The following DEFB119 variants were observed in gnomAD, a reference collection of about 807,000 sequenced individuals.
The protein encoded by DEFB119 is defensin beta 119, also known as beta-defensin 119.
Under a neutral mutation model 2.5 loss-of-function variants are expected in DEFB119, and 3 were observed. The ratio of observed to expected loss-of-function variants is 1.19; its 90% confidence interval spans 0.54 to 3.07. DEFB119 has a LOEUF of 3.07. Among genes scored for constraint, DEFB119 ranks in the 30% most tolerant of loss-of-function variants. The pLI is 0.03. For synonymous variants in DEFB119, 29 were observed against 33.7 expected (o/e 0.86, Z 0.48); for missense variants, 113 against 101.1 (o/e 1.12, Z -0.50).
intron 1 of DEFB119, among the ~76,000 whole-genome samples, chr20:31,381,414 T>C (rs983270188): frequency 1.3e-5 from 2 of 152,256 alleles, no homozygotes; most frequent in African/African-American, 4.8e-5. Flanking sequence ...CTGTCTAATC[T>C]GCATGCCTTT....
At chr20:31,385,585 G>T (rs1187226443) in intron 1 of DEFB119, among the ~76,000 whole-genome samples, 1 of 152,084 alleles carries the variant, frequency 6.6e-6, no homozygotes, top group African/African-American at 2.4e-5. Flanking sequence ...AATGACACAG[G>T]GCTGGGTGTG....
chr20:31,378,177 T>C lies in DEFB119; in HGVS notation c.62-738A>G, dbSNP rs552378713. Among the ~76,000 whole-genome samples the C allele has an allele frequency of 2.6e-5, 4 of 152,312 alleles. No homozygotes were observed. The East Asian group carries it at 5.8e-4, about 22-fold the overall frequency. On this transcript the variant is annotated intron_variant, in intron 1 of 1. Coordinates refer to ENST00000376321, the MANE Select transcript of DEFB119 (RefSeq NM_153289.4). ...GAAGGCATCCCTCCCTCCACTTCCC[T>C]GATGGGGTGGTGACAGAGAGGGCCT... is the stretch of plus-strand genomic sequence containing the variant.
chr20:31,383,714 G>T (rs1203184970), intron 1 of DEFB119, among the ~76,000 whole-genome samples: 1 of 151,126 alleles, frequency 6.6e-6, no homozygotes, highest in Non-Finnish European at 1.5e-5. Flanking sequence ...ATGGTGGCAG[G>T]CGCCTGTAGT....
chr20:31,379,947 G>C (rs962178234), intron 1 of DEFB119, among the ~76,000 whole-genome samples: 1 of 152,156 alleles, frequency 6.6e-6, no homozygotes. Flanking sequence ...TTACAGGCGT[G>C]AGCCACCATG....
chr20:31,384,485 A>G (rs1224401075), intron 1 of DEFB119, among the ~76,000 whole-genome samples: 3 of 152,206 alleles, frequency 2.0e-5, no homozygotes, highest in Admixed American at 2.0e-4. Flanking sequence ...GAAAACAAAA[A>G]AGTAAACTAT....
chr20:31,385,797 G>A (rs1392614537), intron 1 of DEFB119, among the ~76,000 whole-genome samples: 2 of 152,064 alleles, frequency 1.3e-5, no homozygotes, highest in Non-Finnish European at 2.9e-5. Flanking sequence ...TTGAGCCTGG[G>A]AGGGTTAGGC....
chr20:31,388,933 A>T, intron 1 of DEFB119: 1 of 1,516,826 alleles, frequency 6.6e-7, no homozygotes, highest in Non-Finnish European at 8.9e-7. Flanking sequence ...AATCCATTTG[A>T]AGTATCATTC....
chr20:31,385,898 G>A (rs1393048711), intron 1 of DEFB119, among the ~76,000 whole-genome samples: 1 of 151,978 alleles, frequency 6.6e-6, no homozygotes, highest in Non-Finnish European at 1.5e-5. Context: ...CAGATAGTGA[G>A]ACAGAGTTTA....
intron 1 of DEFB119, among the ~76,000 whole-genome samples, chr20:31,378,050 C>T (rs544241702): frequency 3.3e-5 from 5 of 152,254 alleles, no homozygotes; most frequent in East Asian, 3.9e-4. Flanking sequence ...AAGTGGGGAG[C>T]GGGGACTATT....
chr20:31,387,413 A>G (rs1986747970), intron 1 of DEFB119, among the ~76,000 whole-genome samples: 1 of 152,212 alleles, frequency 6.6e-6, no homozygotes, highest in African/African-American at 2.4e-5. Flanking sequence ...CTTTGTCTGC[A>G]TACTTAAATG....
At chr20:31,379,660 ATTTTT>A (rs35167239) in intron 1 of DEFB119, among the ~76,000 whole-genome samples, 3 of 137,208 alleles carry the variant, frequency 2.2e-5, no homozygotes, top group African/African-American at 2.7e-5. Context: ...CACCCAACTA[ATTTTT>A]TTTTTTTTTT....
At chr20:31,390,040 C>T (rs1324852937) in intron 1 of DEFB119, among the ~76,000 whole-genome samples, 1 of 152,026 alleles carries the variant, frequency 6.6e-6, no homozygotes, top group Non-Finnish European at 1.5e-5. Context: ...CTCCTCACCT[C>T]CAGCTCATCC....
Position 31,377,263 on chromosome 20 carries a change from A to C in DEFB119, c.238T>G (p.Trp80Gly). The C allele has an allele frequency of 6.2e-7, 1 of 1,613,018 alleles. No homozygotes were observed. Among genetic ancestry groups the C allele is most frequent in the South Asian group, 1.1e-5 (1 of 90,834 alleles). The change falls in exon 2 of 2, where the codon TGG (tryptophan) becomes GGG (glycine). Residue 80 changes from tryptophan (W) to glycine (G), a missense_variant. Physicochemically the swap from Trp to Gly is radical, Grantham distance 184. Transcript: ENST00000376321. ...ENTDWSYEKQ[W>G]PRLP Reference sequence around the variant, plus strand: ...ACCAGCACTCAAGGTAGTCTTGGCCACTGCTTCTCATAAGACCAGTCGGTA... The same window carrying C: ...ACCAGCACTCAAGGTAGTCTTGGCCCCTGCTTCTCATAAGACCAGTCGGTA...
intron 1 of DEFB119, among the ~76,000 whole-genome samples, chr20:31,386,231 T>A (rs1206279142): frequency 6.6e-6 from 1 of 152,098 alleles, no homozygotes; most frequent in Non-Finnish European, 1.5e-5. Context: ...TAGAGATTAA[T>A]GCAGAGAAAA....
chr20:31,378,198 G>A (rs1324746621), intron 1 of DEFB119, among the ~76,000 whole-genome samples: 1 of 152,146 alleles, frequency 6.6e-6, no homozygotes, highest in Non-Finnish European at 1.5e-5. Context: ...TGACAGAGAG[G>A]GCCTAGTGCA....
chr20:31,386,342 C>G (rs1986703483), intron 1 of DEFB119, among the ~76,000 whole-genome samples: 1 of 152,172 alleles, frequency 6.6e-6, no homozygotes, highest in Non-Finnish European at 1.5e-5. Context: ...TCCCAGCTCC[C>G]AGAGAAGCAG....
chr20:31,381,420 C>A (rs1205058795), intron 1 of DEFB119, among the ~76,000 whole-genome samples: 1 of 152,210 alleles, frequency 6.6e-6, no homozygotes, highest in Non-Finnish European at 1.5e-5. Flanking sequence ...AATCTGCATG[C>A]CTTTCATTTC....
chr20:31,386,853 G>A (rs1172005721), intron 1 of DEFB119, among the ~76,000 whole-genome samples: 5 of 121,858 alleles, frequency 4.1e-5, no homozygotes, highest in East Asian at 4.5e-4. Context: ...TCGCTCTGTC[G>A]CCCAGGCTGG....
intron 1 of DEFB119, chr20:31,389,307 A>T: frequency 1.3e-6 from 2 of 1,590,904 alleles, no homozygotes; most frequent in East Asian, 4.5e-5. Flanking sequence ...CAGAGGAGGA[A>T]CAGGAGGACA....
Sources: gnomAD v4.1 joint callset for allele counts (sites outside exome capture counted in the v4.1 genomes callset) on GRCh38, gnomAD v4.1.1 for gene constraint, MANE v1.5 for transcripts, NCBI Gene and HGNC (gene_info 2026-07-23, HGNC 2026-07-21) for gene names.